ACYP2: variants seen among roughly 807,000 people sequenced by gnomAD.
ACYP2 encodes acylphosphatase 2.
Under a neutral mutation model 11.2 loss-of-function variants are expected in ACYP2, and 12 were observed. That is an observed-to-expected ratio of 1.08 (90% CI 0.69 to 1.74). The LOEUF (loss-of-function observed/expected upper bound fraction) is 1.74, where lower values mean the gene tolerates loss of function less well. Among genes scored for constraint, ACYP2 ranks in the 40% most tolerant of loss-of-function variants. The pLI is 0.00. For synonymous variants in ACYP2, 43 were observed against 32.2 expected (o/e 1.33, Z -1.13); for missense variants, 134 against 101.9 (o/e 1.31, Z -1.35).
intron 6 of ACYP2, among the ~76,000 whole-genome samples, chr2:54,228,883 A>C (rs1203055086): frequency 6.6e-6 from 1 of 152,168 alleles, no homozygotes; most frequent in East Asian, 1.9e-4. Context: ...AGGGCAAGGA[A>C]ACTTTCCAGT....
intron 4 of ACYP2, among the ~76,000 whole-genome samples, chr2:54,080,950 A>T (rs990386401): frequency 9.2e-5 from 14 of 152,308 alleles, no homozygotes; most frequent in East Asian, 1.9e-4. Context: ...GCTTAAAAAA[A>T]CTTTCTTTTG....
chr2:54,251,426 T>C (rs946880307), intron 6 of ACYP2, among the ~76,000 whole-genome samples: 2 of 152,184 alleles, frequency 1.3e-5, no homozygotes, highest in African/African-American at 2.4e-5. Flanking sequence ...TAAAGTACAA[T>C]ATACATACAG....
intron 6 of ACYP2, among the ~76,000 whole-genome samples, chr2:54,218,899 C>T (rs191225167): frequency 2.2e-3 from 339 of 152,216 alleles, no homozygotes; most frequent in Non-Finnish European, 3.6e-3. Flanking sequence ...TAGGGTCAAA[C>T]GGGCATCTTC....
chr2:54,050,494 A>T (rs950993532), intron 2 of ACYP2, among the ~76,000 whole-genome samples: 7 of 150,338 alleles, frequency 4.7e-5, no homozygotes, highest in Non-Finnish European at 1.0e-4. Flanking sequence ...GGCTGCAGTT[A>T]GCATGATATC....
At chr2:54,265,067 A>G (rs747096941) in intron 6 of ACYP2, among the ~76,000 whole-genome samples, 1 of 152,222 alleles carries the variant, frequency 6.6e-6, no homozygotes, top group Non-Finnish European at 1.5e-5. Context: ...TGATTGTACT[A>G]TGCTTTCTAT....
intron 6 of ACYP2, among the ~76,000 whole-genome samples, chr2:54,245,751 T>C (rs149312346): frequency 0.014 from 2,181 of 152,060 alleles, 18 homozygotes; most frequent in South Asian, 0.025. Flanking sequence ...TTTCCTTGTA[T>C]ATTCTGGATA....
chr2:54,275,100 C>T (rs1168592965), intron 6 of ACYP2, among the ~76,000 whole-genome samples: 2 of 152,160 alleles, frequency 1.3e-5, no homozygotes, highest in African/African-American at 2.4e-5. Context: ...GCCTCAATAA[C>T]TTTGGTTTTA....
chr2:54,058,119 G>A (rs569890120), intron 4 of ACYP2, among the ~76,000 whole-genome samples: 9 of 152,242 alleles, frequency 5.9e-5, no homozygotes, highest in Admixed American at 1.3e-4. Flanking sequence ...CCTAAATTTA[G>A]TAAATATTGG....
At chr2:54,112,890 T>C (rs745616041) in intron 4 of ACYP2, among the ~76,000 whole-genome samples, 45 of 152,208 alleles carry the variant, frequency 3.0e-4, no homozygotes, top group Non-Finnish European at 5.9e-4. Flanking sequence ...ACTTCTAAAA[T>C]TCAAATAAAC....
intron 6 of ACYP2, among the ~76,000 whole-genome samples, chr2:54,273,056 G>A (rs1451752475): frequency 1.3e-5 from 2 of 152,324 alleles, no homozygotes; most frequent in Non-Finnish European, 1.5e-5. Flanking sequence ...TGGGAACAGT[G>A]GTAGGCAGGC....
chr2:54,083,538 G>C (rs1677780519), intron 4 of ACYP2, among the ~76,000 whole-genome samples: 1 of 152,170 alleles, frequency 6.6e-6, no homozygotes, highest in African/African-American at 2.4e-5. Context: ...AGCCATTGTT[G>C]GTGTGGTCAG....
At chr2:54,096,434 G>A (rs536148061) in intron 4 of ACYP2, among the ~76,000 whole-genome samples, 10 of 152,160 alleles carry the variant, frequency 6.6e-5, no homozygotes, top group African/African-American at 2.4e-4. Flanking sequence ...ACGGGGTGGC[G>A]GCCTGGCAGA....
rs149234663 is a variant in ACYP2 at position 54,006,924 on chromosome 2, A to G, written c.62+33114A>G. Among the ~76,000 whole-genome samples, 1,250 of 152,066 alleles carry G rather than the reference A, an allele frequency of 8.2e-3. 23 individuals are homozygous for G. Among genetic ancestry groups the G allele is most frequent in the African/African-American group, 0.028 (1,169 of 41,508 alleles). ...TGGATCACTTGAGATCAGGTGTTCA[A>G]GACCAGCCTGGCCAATATGGAGAAA... On this transcript the variant is annotated intron_variant, in intron 2 of 6. Transcript: ENST00000607452.
At chr2:54,115,475 C>T in intron 4 of ACYP2, 140 bp from the exon 1 acceptor site, 1 of 1,247,688 alleles carries the variant, frequency 8.0e-7, no homozygotes, top group Non-Finnish European at 1.1e-6. Context: ...ATGCCTGGGG[C>T]CCAGCGGCCT....
At chr2:54,035,009 C>CAAAAAAAAAAAAAAAAAAAAAAAACAAA (rs550142135) in intron 2 of ACYP2, among the ~76,000 whole-genome samples, 1 of 44,748 alleles carries the variant, frequency 2.2e-5, no homozygotes, top group Non-Finnish European at 5.3e-5. Flanking sequence ...GACTACATCT[C>CAAAAAAAAAAAAAAAAAAAAAAAACAAA]AAAAAAAAAA....
rs190878016 is a variant in ACYP2, at chr2:54,237,580, C to T, written c.405-67108C>T. 1.2e-3 allele frequency among the ~76,000 whole-genome samples: 189 copies of T among 152,208 alleles called. 1 individual carries two copies. The highest frequency in any genetic ancestry group is 2.1e-3 in the Non-Finnish European group (144 of 68,020). Reference sequence around the variant, plus strand: ...TTCCTTCGGCACTTTGAAGATAATTCCATTTTATTCTGGCTTCTCTTGATT... The same window carrying T: ...TTCCTTCGGCACTTTGAAGATAATTTCATTTTATTCTGGCTTCTCTTGATT... On this transcript the variant is annotated intron_variant, in intron 6 of 6. Coordinates refer to ENST00000607452, the MANE Select transcript of ACYP2 (RefSeq NM_001320586.2).
At chr2:54,117,914 A>G (rs1679906597) in intron 4 of ACYP2, among the ~76,000 whole-genome samples, 1 of 151,924 alleles carries the variant, frequency 6.6e-6, no homozygotes, top group South Asian at 2.1e-4. Context: ...TTTGTCCCTC[A>G]CCCCGTCCTA....
At chr2:54,136,954 C>T (rs191277876) in intron 5 of ACYP2, among the ~76,000 whole-genome samples, 137 of 151,858 alleles carry the variant, frequency 9.0e-4, no homozygotes, top group African/African-American at 2.8e-3. Flanking sequence ...CCAGCCTGGA[C>T]GACAAGAGTG....
chr2:54,180,239 T>G (rs913854266), intron 6 of ACYP2, among the ~76,000 whole-genome samples: 1 of 152,160 alleles, frequency 6.6e-6, no homozygotes, highest in Admixed American at 6.5e-5. Flanking sequence ...GTTTATTTAT[T>G]TCTATTTTTA....
Sources: gnomAD v4.1 joint callset for allele counts (sites outside exome capture counted in the v4.1 genomes callset) on GRCh38, gnomAD v4.1.1 for gene constraint, MANE v1.5 for transcripts, NCBI Gene and HGNC (gene_info 2026-07-23, HGNC 2026-07-21) for gene names.